FBXO11: variants seen among roughly 807,000 people sequenced by gnomAD.
FBXO11 encodes F-box only protein 11.
A neutral mutation model predicts 117.0 loss-of-function variants in FBXO11; 13 were observed. The ratio of observed to expected loss-of-function variants is 0.11; its 90% confidence interval spans 0.07 to 0.18. The LOEUF (loss-of-function observed/expected upper bound fraction) is 0.18. Ranked by LOEUF, FBXO11 falls within the 10% of genes least tolerant of loss-of-function variation. The pLI is 1.00. For missense variants in FBXO11, 767 were observed against 1,164.4 expected, an observed-to-expected ratio of 0.66 and a Z score of 4.97; for synonymous variants, 490 against 380.5, an observed-to-expected ratio of 1.29 and a Z score of -3.35.
Position 47,839,423 on chromosome 2 carries a change from T to A in FBXO11, c.438A>T (p.Leu146=), listed in dbSNP as rs771611656. ...TTACTTTCCCACAGGAAATACCTGA[T>A]AGATCTTGTGATTTTCCAGACACTC... ...RARVSGKSQD[L]SAAPAEQYLQ... is the part of the protein sequence containing the mutation. Residue 146 remains leucine, a synonymous_variant, in exon 3 of 23, where the codon CTA becomes CTT. Transcript: ENST00000403359. The A allele has an allele frequency of 1.2e-6, 2 of 1,611,900 alleles. No homozygotes were observed. Among genetic ancestry groups the A allele is most frequent in the South Asian group, 2.2e-5 (2 of 89,960 alleles).
Position 47,812,524 on chromosome 2 carries a change from A to AATACT in FBXO11, c.2227+709_2227+710insAGTAT, listed in dbSNP as rs1558403765. Among the ~76,000 whole-genome samples, 270 of 152,326 alleles carry AATACT rather than the reference A, an allele frequency of 1.8e-3. 1 individual carries two copies. The highest frequency in any genetic ancestry group is 6.1e-3 in the African/African-American group (255 of 41,568). On this transcript the variant is annotated intron_variant, in intron 18 of 22. Coordinates refer to ENST00000403359, the MANE Select transcript of FBXO11 (RefSeq NM_001190274.2). ...AGATACGTCACTTTACTGAATTACT[A>AATACT]GATTATAAGCTCCTGGAGAGTCTGT...
At chr2:47,837,075 A>G (rs538797860) in intron 4 of FBXO11, 4 of 232,432 alleles carry the variant, frequency 1.7e-5, no homozygotes, top group Non-Finnish European at 3.6e-5. Context: ...TTTGAACTTA[A>G]TTTGTCCTAT....
At chr2:47,860,013 A>C (rs922194868) in intron 1 of FBXO11, among the ~76,000 whole-genome samples, 9 of 152,142 alleles carry the variant, frequency 5.9e-5, no homozygotes, top group Admixed American at 1.3e-4. Flanking sequence ...CTAACTATAA[A>C]ATCCTCTCTT....
chr2:47,829,386 G>A (rs530292933), intron 11 of FBXO11, among the ~76,000 whole-genome samples: 27 of 151,952 alleles, frequency 1.8e-4, no homozygotes, highest in African/African-American at 6.0e-4. Flanking sequence ...GACTTGAGGC[G>A]TGCACCAACA....
At chr2:47,893,264 A>C (rs888642548) in intron 1 of FBXO11, among the ~76,000 whole-genome samples, 1 of 152,198 alleles carries the variant, frequency 6.6e-6, no homozygotes, top group Admixed American at 6.5e-5. Context: ...CTCTTTTAAC[A>C]TACTCTGCTG....
intron 1 of FBXO11, among the ~76,000 whole-genome samples, chr2:47,856,521 T>C (rs1446352585): frequency 6.6e-6 from 1 of 152,094 alleles, no homozygotes; most frequent in Non-Finnish European, 1.5e-5. Flanking sequence ...GATTAGATAG[T>C]AGGAAACTTG....
Position 47,811,913 on chromosome 2 carries a change from G to A in FBXO11, c.2227+1321C>T, listed in dbSNP as rs141396690. On this transcript the variant is annotated intron_variant, in intron 18 of 22. Coordinates refer to ENST00000403359, the MANE Select transcript of FBXO11 (RefSeq NM_001190274.2). ...TGAGCCACTGTGCCCAGTTGGTTCT[G>A]TCCTTTTAAGTATCATTAACATGTC... Among the ~76,000 whole-genome samples the A allele has an allele frequency of 3.2e-3, 481 of 152,224 alleles. 2 individuals carry two copies. The highest frequency in any genetic ancestry group is 0.011 in the African/African-American group (455 of 41,536).
intron 1 of FBXO11, among the ~76,000 whole-genome samples, chr2:47,862,190 G>C (rs781319485): frequency 1.3e-5 from 2 of 152,074 alleles, no homozygotes; most frequent in African/African-American, 2.4e-5. Flanking sequence ...CAAAGTGCTG[G>C]GACTACACAG....
chr2:47,905,234 G>A (rs960681730), intron 1 of FBXO11: 25 of 248,970 alleles, frequency 1.0e-4, no homozygotes, highest in South Asian at 6.9e-4. Flanking sequence ...GGGGTGGAGG[G>A]TGCTGAGCCC....
chr2:47,896,809 AT>A, intron 1 of FBXO11, among the ~76,000 whole-genome samples: 1 of 152,320 alleles, frequency 6.6e-6, no homozygotes, highest in South Asian at 2.1e-4. Context: ...CTGACCTTAT[AT>A]GAAATAAAGT....
chr2:47,867,705 A>G (rs563342434), intron 1 of FBXO11, among the ~76,000 whole-genome samples: 3 of 151,744 alleles, frequency 2.0e-5, no homozygotes, highest in East Asian at 1.9e-4. Context: ...AGGGGAATCT[A>G]TATCAAATGC....
At position 47,813,076 on chromosome 2, in the gene FBXO11, A is replaced by C. The variant is rs1455215869; in HGVS notation, c.2227+158T>G. 1.2e-5 allele frequency: 9 copies of C among 759,732 alleles called. No individual in the cohort carries two copies. In the Admixed American group the frequency reaches 1.9e-4, roughly 16 times the overall value. The allele number at this position is 759,732 out of a possible 1,614,324, so 47.1% of individuals were successfully genotyped here. A position where few individuals can be genotyped will look rare whatever the true frequency, so the allele number is the denominator to read the frequency against. On this transcript the variant is annotated intron_variant, in intron 18 of 22. Coordinates refer to ENST00000403359, the MANE Select transcript of FBXO11 (RefSeq NM_001190274.2). Reference sequence around the variant, plus strand: ...AAGTATTGTAAACATTTGTCTCTTAACTCTAGGCACTAATCTCCTAAACCA... The same window carrying C: ...AAGTATTGTAAACATTTGTCTCTTACCTCTAGGCACTAATCTCCTAAACCA...
At position 47,885,350 on chromosome 2, in the gene FBXO11, T is replaced by A. The variant is rs1489936812; in HGVS notation, c.232+20139A>T. Among the ~76,000 whole-genome samples the A allele has an allele frequency of 3.3e-5, 5 of 152,128 alleles. No individual in the cohort carries two copies. The East Asian group carries it at 7.7e-4, about 23-fold the overall frequency. Reference sequence around the variant, plus strand: ...GGCTCACGCCTGTAATCCCAGCACTTTGGGAGGCCGAGGTGAGTAAATCAT... The same window carrying A: ...GGCTCACGCCTGTAATCCCAGCACTATGGGAGGCCGAGGTGAGTAAATCAT... On this transcript the variant is annotated intron_variant, in intron 1 of 22. Transcript: ENST00000403359.
At chr2:47,870,861 C>T (rs1295081514) in intron 1 of FBXO11, among the ~76,000 whole-genome samples, 1 of 152,122 alleles carries the variant, frequency 6.6e-6, no homozygotes, top group African/African-American at 2.4e-5. Context: ...CAATGAATAC[C>T]CATGTACATA....
At chr2:47,885,289 G>A (rs969510572) in intron 1 of FBXO11, among the ~76,000 whole-genome samples, 2 of 152,176 alleles carry the variant, frequency 1.3e-5, no homozygotes, top group Non-Finnish European at 2.9e-5. Context: ...TACGGCATAT[G>A]GCTCACTCAA....
chr2:47,838,512 T>C (rs1672767410), intron 4 of FBXO11, among the ~76,000 whole-genome samples: 1 of 152,176 alleles, frequency 6.6e-6, no homozygotes, highest in Non-Finnish European at 1.5e-5. Flanking sequence ...ACAACTGTTT[T>C]CCAAAAGTGA....
At chr2:47,812,410 G>A (rs1401793445) in intron 18 of FBXO11, among the ~76,000 whole-genome samples, 2 of 152,184 alleles carry the variant, frequency 1.3e-5, no homozygotes, top group Non-Finnish European at 2.9e-5. Flanking sequence ...GCTCAAAAGT[G>A]ATTTGACTTG....
At position 47,900,668 on chromosome 2, in the gene FBXO11, GTA is replaced by G. The variant is rs1437635148; in HGVS notation, c.232+4819_232+4820del. On this transcript the variant is annotated intron_variant, in intron 1 of 22. Transcript: ENST00000403359. The stretch of plus-strand genomic sequence containing the variant: ...TATACACACGTATACACACACGTAC[GTA>G]TATACACACGTATACACACACGTAT... 4.3e-3 allele frequency among the ~76,000 whole-genome samples: 129 copies of G among 29,762 alleles called. 20 individuals are homozygous for G. The highest frequency in any genetic ancestry group is 0.029 in the Admixed American group (116 of 3,934). 19.5% of individuals were successfully genotyped at this position (29,762 alleles called of 152,430 possible).
intron 1 of FBXO11, among the ~76,000 whole-genome samples, chr2:47,890,853 T>C (rs1191504566): frequency 1.3e-5 from 2 of 152,094 alleles, no homozygotes; most frequent in Non-Finnish European, 2.9e-5. Flanking sequence ...AGTCTTGCTC[T>C]ATTGCTCACG....
Sources: gnomAD v4.1 joint callset for allele counts (sites outside exome capture counted in the v4.1 genomes callset) on GRCh38, gnomAD v4.1.1 for gene constraint, MANE v1.5 for transcripts, NCBI Gene and HGNC (gene_info 2026-07-23, HGNC 2026-07-21) for gene names.